AGBL1: variants seen among roughly 807,000 people sequenced by gnomAD.
AGBL1 encodes the protein AGBL carboxypeptidase 1, also known as cytosolic carboxypeptidase 4.
In AGBL1, 130 loss-of-function variants were observed where a neutral mutation model predicts 118.9. The observed-to-expected ratio is 1.09, with a 90% CI of 0.95 to 1.26. The LOEUF (loss-of-function observed/expected upper bound fraction) is 1.26. AGBL1 is among the 50% of genes most tolerant of loss of function. AGBL1 has a pLI of 0.00. For missense variants in AGBL1, 1,584 were observed against 1,298.1 expected, an observed-to-expected ratio of 1.22 and a Z score of -3.38; for synonymous variants, 555 against 478.9, an observed-to-expected ratio of 1.16 and a Z score of -2.08.
At chr15:86,237,412 C>A (rs1241803151) in intron 6 of AGBL1, among the ~76,000 whole-genome samples, 1 of 152,152 alleles carries the variant, frequency 6.6e-6, no homozygotes, top group Non-Finnish European at 1.5e-5. Context: ...CAGAAGCAGG[C>A]AGCATCACTG....
chr15:86,920,942 C>T (rs1156782085), downstream of AGBL1, among the ~76,000 whole-genome samples: 1 of 152,136 alleles, frequency 6.6e-6, no homozygotes, highest in Non-Finnish European at 1.5e-5. Context: ...GGCAAAACAT[C>T]CACTTTGAGG....
chr15:86,735,653 G>GCTATAT (rs1555444825), intron 22 of AGBL1, among the ~76,000 whole-genome samples: 1 of 143,006 alleles, frequency 7.0e-6, no homozygotes, highest in African/African-American at 2.7e-5. Flanking sequence ...GCTACAAAGA[G>GCTATAT]AGATATATAT....
At chr15:86,176,027 TG>T (rs1248110123) in intron 5 of AGBL1, among the ~76,000 whole-genome samples, 4 of 152,242 alleles carry the variant, frequency 2.6e-5, no homozygotes, top group Non-Finnish European at 4.4e-5. Context: ...CTAAATCCAA[TG>T]TTTTTTTGCT....
intron 23 of AGBL1, among the ~76,000 whole-genome samples, chr15:86,958,576 TAATG>T (rs2141681682): frequency 6.6e-6 from 1 of 152,234 alleles, no homozygotes; most frequent in Non-Finnish European, 1.5e-5. Context: ...AGAAAACAAT[TAATG>T]AAATAGATTT....
At chr15:86,661,555 A>G (rs1199057169) in intron 21 of AGBL1, among the ~76,000 whole-genome samples, 1 of 151,942 alleles carries the variant, frequency 6.6e-6, no homozygotes, top group Non-Finnish European at 1.5e-5. Flanking sequence ...TAATTATGAG[A>G]ACCCTGTAAT....
intron 18 of AGBL1, among the ~76,000 whole-genome samples, chr15:86,440,958 G>A (rs543553634): frequency 6.6e-6 from 1 of 152,332 alleles, no homozygotes; most frequent in Non-Finnish European, 1.5e-5. Context: ...AGTGTCAGGA[G>A]TGGACATTGG....
At chr15:86,917,903 C>T (rs73447153), downstream of AGBL1, among the ~76,000 whole-genome samples, 46,412 of 151,690 alleles carry the variant, frequency 0.31, 7,244 homozygotes, top group South Asian at 0.42. This position sits in a 1 kb window ranked among gnomAD's most constrained non-coding sequence, Gnocchi z 4.8. Context: ...TTAAGTTGTT[C>T]TCTGTTCTGT....
intron 22 of AGBL1, among the ~76,000 whole-genome samples, chr15:86,845,545 A>C (rs2079306243): frequency 6.6e-6 from 1 of 151,950 alleles, no homozygotes; most frequent in Non-Finnish European, 1.5e-5. Context: ...ATTGATCTGT[A>C]TTTTACTTTA....
At chr15:86,951,282 A>G (rs1427909175) in intron 23 of AGBL1, among the ~76,000 whole-genome samples, 1 of 152,218 alleles carries the variant, frequency 6.6e-6, no homozygotes, top group Non-Finnish European at 1.5e-5. Context: ...ATATTCTACT[A>G]AATGTGTACC....
At chr15:86,358,463 G>A (rs1365128929) in intron 17 of AGBL1, among the ~76,000 whole-genome samples, 2 of 151,790 alleles carry the variant, frequency 1.3e-5, no homozygotes, top group Non-Finnish European at 2.9e-5. Flanking sequence ...ATATCTTGGC[G>A]GTTGTGAATT....
chr15:86,439,625 A>G (rs893112443), intron 18 of AGBL1, among the ~76,000 whole-genome samples: 2 of 152,244 alleles, frequency 1.3e-5, no homozygotes, highest in South Asian at 2.1e-4. Flanking sequence ...GGTCAACAAC[A>G]GGAGTGAGAC....
Position 86,142,058 on chromosome 15 carries a change from C to A in AGBL1, c.106C>A (p.Leu36Ile), listed in dbSNP as rs746181292. Residue 36 changes from leucine (L) to isoleucine (I), a missense_variant, in exon 2 of 23, where the codon CTT (leucine) becomes ATT (isoleucine). Physicochemically the swap from Leu to Ile is conservative, Grantham distance 5. Transcript: ENST00000614907. The part of the protein sequence containing the change: ...LTILKVLGDL[L>I]SVGTDRRIHY... The stretch of plus-strand genomic sequence containing the variant: ...CATCCTCAAGGTCCTCGGAGATCTG[C>A]TTTCTGTTGGTGAGTAGGCCATGCT... 14 of 1,550,066 alleles carry A rather than the reference C, an allele frequency of 9.0e-6. No individual in the cohort carries two copies. The South Asian group carries it at 1.7e-4, about 18-fold the overall frequency.
intron 22 of AGBL1, among the ~76,000 whole-genome samples, chr15:86,781,365 C>A (rs2078333585): frequency 6.6e-6 from 1 of 151,998 alleles, no homozygotes; most frequent in Non-Finnish European, 1.5e-5. Context: ...CACATTATGC[C>A]TCTAATTGTT....
intron 17 of AGBL1, among the ~76,000 whole-genome samples, chr15:86,309,133 A>C (rs1333600652): frequency 2.0e-5 from 3 of 151,778 alleles, no homozygotes; most frequent in African/African-American, 7.3e-5. Flanking sequence ...GAGCTCTTTC[A>C]CCTCCTTGGT....
chr15:86,263,821 A>T (rs1391207290), intron 10 of AGBL1, among the ~76,000 whole-genome samples: 1 of 152,218 alleles, frequency 6.6e-6, no homozygotes, highest in African/African-American at 2.4e-5. Context: ...TCATGTGTAC[A>T]GAGGGAGTTA....
chr15:86,554,452 G>T lies in AGBL1; in HGVS notation c.2909G>T (p.Arg970Leu). 2 of 1,588,402 alleles carry T rather than the reference G, an allele frequency of 1.3e-6. No individual in the cohort carries two copies. ...GAGAAATCTCGAGCTTCCACGGCCC[G>T]GGTGGTGGTGTGGAGAGAGATGGGG... ...LVEKSRASTA[R>L]VVVWREMGVS... The change falls in exon 21 of 23, where the codon CGG (arginine) becomes CTG (leucine). Residue 970 changes from arginine to leucine, a missense_variant. Coordinates refer to ENST00000614907, the MANE Select transcript of AGBL1 (RefSeq NM_001386094.1).
intron 21 of AGBL1, among the ~76,000 whole-genome samples, chr15:86,654,306 A>C (rs1159491060): frequency 6.6e-6 from 1 of 151,834 alleles, no homozygotes; most frequent in Non-Finnish European, 1.5e-5. Context: ...AGATCTTCCC[A>C]TTTTTTTCAA....
chr15:86,574,797 C>G (rs1023931416), intron 21 of AGBL1, among the ~76,000 whole-genome samples: 1 of 149,302 alleles, frequency 6.7e-6, no homozygotes, highest in Non-Finnish European at 1.5e-5. Context: ...AGGCTGGTCT[C>G]GAACTCCTGA....
chr15:86,592,114 A>G (rs1191777606), intron 21 of AGBL1, among the ~76,000 whole-genome samples: 3 of 152,212 alleles, frequency 2.0e-5, no homozygotes, highest in Non-Finnish European at 4.4e-5. Flanking sequence ...GTTAAATTTG[A>G]TCACTTGGTT....
Sources: allele counts gnomAD v4.1 joint callset (sites outside exome capture counted in the v4.1 genomes callset), GRCh38; gene constraint gnomAD v4.1.1; non-coding constraint Gnocchi (gnomAD v3.1); transcripts MANE v1.5; gene names NCBI Gene and HGNC (gene_info 2026-07-23, HGNC 2026-07-21).